Variants in ST18 observed in about 807,000 individuals in gnomAD.
ST18 encodes the protein ST18 C2H2C-type zinc finger transcription factor.
A neutral mutation model predicts 110.0 loss-of-function variants in ST18; 50 were observed. The ratio of observed to expected loss-of-function variants is 0.45; its 90% CI spans 0.36 to 0.58. The LOEUF (loss-of-function observed/expected upper bound fraction) is 0.58. Ranked by LOEUF, ST18 falls within the 20% of genes least tolerant of loss-of-function variation. The pLI is 0.00. For missense variants in ST18, 1,306 were observed against 1,280.1 expected (o/e 1.02, Z -0.31); for synonymous variants, 461 against 452.4 (o/e 1.02, Z -0.24).
chr8:52,143,019 A>T lies in ST18; in HGVS notation c.2079T>A (p.Asn693Lys), dbSNP rs923747090. Residue 693 changes from asparagine (N) to lysine (K), a missense_variant, in exon 17 of 26, where the codon AAT becomes AAA. By Grantham distance (94) the Asn-to-Lys change is moderately conservative (BLOSUM62 0). Transcript: ENST00000689386. ...KEKDPVSSLE[N>K]LEEKKFPGEA... Reference sequence around the variant, plus strand: ...CTCCAGGAAACTTTTTTTCCTCTAAATTTTCTAGAGAGCTCACTGGGTCTT... The same window carrying T: ...CTCCAGGAAACTTTTTTTCCTCTAATTTTTCTAGAGAGCTCACTGGGTCTT... 3.7e-6 allele frequency: 6 copies of T among 1,613,528 alleles called. No individual in the cohort carries two copies. The African/African-American group carries it at 8.0e-5, about 22-fold the overall frequency.
intron 8 of ST18, among the ~76,000 whole-genome samples, chr8:52,181,392 T>C (rs560794977): frequency 6.6e-6 from 1 of 152,314 alleles, no homozygotes; most frequent in East Asian, 1.9e-4. Flanking sequence ...GATTCGGTTA[T>C]AGTCACACAG....
intron 15 of ST18, 122 bp downstream of exon 15, chr8:52,158,776 G>C: frequency 8.9e-7 from 1 of 1,129,330 alleles, no homozygotes; most frequent in South Asian, 1.4e-5. Context: ...CCTGAGACAG[G>C]GAGGGGATCG....
chr8:52,380,255 A>T (rs943712189), intron 2 of ST18, among the ~76,000 whole-genome samples: 11 of 152,226 alleles, frequency 7.2e-5, no homozygotes, highest in Non-Finnish European at 8.8e-5. Context: ...CATTTATACA[A>T]TACAGAACTA....
At chr8:52,346,029 C>A (rs879569917) in intron 2 of ST18, among the ~76,000 whole-genome samples, 2 of 151,850 alleles carry the variant, frequency 1.3e-5, no homozygotes, top group Admixed American at 1.3e-4. Context: ...AATGGAAAAA[C>A]TGACCCCAGA....
At chr8:52,193,854 A>G (rs546320133) in intron 8 of ST18, among the ~76,000 whole-genome samples, 2 of 152,276 alleles carry the variant, frequency 1.3e-5, no homozygotes, top group African/African-American at 4.8e-5. Flanking sequence ...TTGTGACCAC[A>G]CTCATGTTTA....
At chr8:52,192,710 A>G (rs1208950368) in intron 8 of ST18, among the ~76,000 whole-genome samples, 1 of 152,234 alleles carries the variant, frequency 6.6e-6, no homozygotes, top group African/African-American at 2.4e-5. Context: ...AGCTTGGTTT[A>G]CCATAATTTC....
chr8:52,162,142 C>T (rs566738103), intron 13 of ST18, among the ~76,000 whole-genome samples: 3 of 151,990 alleles, frequency 2.0e-5, no homozygotes, highest in African/African-American at 4.8e-5. Context: ...ACCTAAGAGG[C>T]GGAGGTTGCA....
chr8:52,195,353 T>G (rs1198899278), intron 8 of ST18, among the ~76,000 whole-genome samples: 2 of 152,176 alleles, frequency 1.3e-5, no homozygotes, highest in Non-Finnish European at 2.9e-5. Flanking sequence ...TTATTTTAAT[T>G]TGAGTAATAC....
chr8:52,172,481 A>T lies in ST18; in HGVS notation c.380T>A (p.Val127Asp), dbSNP rs1328292475. The T allele has an allele frequency of 1.2e-6, 2 of 1,613,826 alleles. No homozygotes were observed. Among genetic ancestry groups the T allele is most frequent in the Admixed American group, 1.7e-5 (1 of 60,018 alleles). ...DRYSCYQELM[V>D]KSLMHLGKFE... ...TTTCCCCAAGTGCATTAAAGACTTG[A>T]CCATGAGCTCTTGATAACAAGAGTA... The change falls in exon 10 of 26, where the codon GTC (valine) becomes GAC (aspartate). Residue 127 changes from valine to aspartate, a missense_variant. By Grantham distance (152) the Val-to-Asp change is radical. Coordinates refer to ENST00000689386, the MANE Select transcript of ST18 (RefSeq NM_001352837.2).
chr8:52,135,967 C>A (rs1161595554), intron 19 of ST18, among the ~76,000 whole-genome samples: 1 of 152,026 alleles, frequency 6.6e-6, no homozygotes, highest in Non-Finnish European at 1.5e-5. Flanking sequence ...AAAATTTATG[C>A]CCTATCATAT....
intron 2 of ST18, among the ~76,000 whole-genome samples, chr8:52,312,344 AGT>A (rs1277656292): frequency 1.3e-5 from 2 of 152,216 alleles, no homozygotes; most frequent in Non-Finnish European, 2.9e-5. Flanking sequence ...TGCCTCCAGT[AGT>A]TAATGCCTTC....
At chr8:52,374,924 T>C (rs1420842932) in intron 2 of ST18, among the ~76,000 whole-genome samples, 2 of 152,166 alleles carry the variant, frequency 1.3e-5, no homozygotes, top group Non-Finnish European at 2.9e-5. Flanking sequence ...TGTGGTACTT[T>C]GTTATGGCAG....
At chr8:52,333,560 G>C (rs1174451497) in intron 2 of ST18, among the ~76,000 whole-genome samples, 1 of 152,202 alleles carries the variant, frequency 6.6e-6, no homozygotes, top group Non-Finnish European at 1.5e-5. Flanking sequence ...ATAGAAAAAG[G>C]CAATGCCAAA....
chr8:52,149,635 TA>T, intron 16 of ST18, 96 bp downstream of exon 16: 1 of 1,464,048 alleles, frequency 6.8e-7, no homozygotes, highest in Admixed American at 2.4e-5. Context: ...ATGTATTATC[TA>T]AACAGGAATG....
At chr8:52,381,032 G>C (rs931526826) in intron 2 of ST18, among the ~76,000 whole-genome samples, 2 of 152,164 alleles carry the variant, frequency 1.3e-5, no homozygotes, top group African/African-American at 4.8e-5. Flanking sequence ...AGAAGAGGCA[G>C]GTTATAAATA....
chr8:52,352,800 T>C (rs1820994052), intron 2 of ST18, among the ~76,000 whole-genome samples: 1 of 152,166 alleles, frequency 6.6e-6, no homozygotes, highest in African/African-American at 2.4e-5. Context: ...CAGAGAACCG[T>C]GGGAGAAGAA....
At chr8:52,159,587 G>C (rs187313523) in intron 14 of ST18, among the ~76,000 whole-genome samples, 1 of 152,180 alleles carries the variant, frequency 6.6e-6, no homozygotes, top group Admixed American at 6.5e-5. Context: ...CTTAGACATG[G>C]AATTGTATTT....
chr8:52,377,140 T>C (rs569202969), intron 2 of ST18, among the ~76,000 whole-genome samples: 4 of 152,340 alleles, frequency 2.6e-5, no homozygotes, highest in African/African-American at 7.2e-5. Flanking sequence ...AAATTGGTGA[T>C]GTAGACCACA....
In ST18 at chr8:52,282,519, C is replaced by A. The variant is rs117615805; in HGVS notation, c.-464-52442G>T. On this transcript the variant is annotated intron_variant, in intron 2 of 25. Coordinates refer to ENST00000689386, the MANE Select transcript of ST18 (RefSeq NM_001352837.2). ...CTTTGAGAAACGCACTAAGGATAGCCCCACCAGGGGTGAGGAAGCTGGGCA... is the reference window on the plus strand; with the variant it reads ...CTTTGAGAAACGCACTAAGGATAGCACCACCAGGGGTGAGGAAGCTGGGCA... Among the ~76,000 whole-genome samples the A allele has an allele frequency of 8.1e-3, 1,235 of 152,154 alleles. 9 individuals are homozygous for A. The highest frequency in any genetic ancestry group is 1.0e-2 in the South Asian group (48 of 4,806).
Sources: allele counts gnomAD v4.1 joint callset (sites outside exome capture counted in the v4.1 genomes callset), GRCh38; gene constraint gnomAD v4.1.1; transcripts MANE v1.5; gene names NCBI Gene and HGNC (gene_info 2026-07-23, HGNC 2026-07-21).